Variants in SGCZ observed in about 807,000 individuals in gnomAD.
The protein encoded by SGCZ is sarcoglycan zeta, also known as zeta-sarcoglycan.
Under a neutral mutation model 41.3 loss-of-function variants are expected in SGCZ, and 40 were observed. The ratio of observed to expected loss-of-function variants is 0.97; its 90% CI spans 0.75 to 1.26. The LOEUF (loss-of-function observed/expected upper bound fraction) is 1.26. Among genes scored for constraint, SGCZ ranks in the 50% most tolerant of loss-of-function variants. SGCZ has a pLI of 0.00. For synonymous variants in SGCZ, 206 were observed against 137.5 expected (o/e 1.50, Z -3.49); for missense variants, 552 against 369.8 (o/e 1.49, Z -4.04).
chr8:15,027,710 T>A (rs1317203989), intron 1 of SGCZ, among the ~76,000 whole-genome samples: 1 of 152,070 alleles, frequency 6.6e-6, no homozygotes, highest in Non-Finnish European at 1.5e-5. Flanking sequence ...AACTACTTTG[T>A]CCTTTAACAA....
intron 2 of SGCZ, among the ~76,000 whole-genome samples, chr8:14,340,296 A>G (rs979620023): frequency 6.6e-6 from 1 of 152,148 alleles, no homozygotes; most frequent in Non-Finnish European, 1.5e-5. Flanking sequence ...AATATGACCA[A>G]AAATGCTTTT....
chr8:14,207,155 T>A (rs1563185485), intron 4 of SGCZ, among the ~76,000 whole-genome samples: 1 of 12,742 alleles, frequency 7.8e-5, no homozygotes, highest in Non-Finnish European at 1.1e-4. Flanking sequence ...GTGGCTATTC[T>A]TTTTTGCTTA....
intron 1 of SGCZ, among the ~76,000 whole-genome samples, chr8:14,948,761 T>C (rs1800536004): frequency 6.6e-6 from 1 of 152,172 alleles, no homozygotes; most frequent in African/African-American, 2.4e-5. Context: ...CTCTTTCCTA[T>C]TCTGACTTCC....
intron 1 of SGCZ, among the ~76,000 whole-genome samples, chr8:14,624,298 C>A (rs1295993022): frequency 6.6e-6 from 1 of 151,994 alleles, no homozygotes; most frequent in African/African-American, 2.4e-5. Context: ...GTTTATAATG[C>A]CAAGAAAGTG....
intron 1 of SGCZ, among the ~76,000 whole-genome samples, chr8:14,970,101 T>G (rs927598534): frequency 6.6e-6 from 1 of 152,146 alleles, no homozygotes; most frequent in African/African-American, 2.4e-5. Context: ...TGTAGTGATA[T>G]GTCATTGCAG....
chr8:14,658,770 G>A (rs1337844436), intron 1 of SGCZ, among the ~76,000 whole-genome samples: 1 of 152,020 alleles, frequency 6.6e-6, no homozygotes, highest in Non-Finnish European at 1.5e-5. Context: ...TCAGTAGAAT[G>A]CAGTTTCCAC....
intron 1 of SGCZ, among the ~76,000 whole-genome samples, chr8:14,587,155 G>C (rs528909700): frequency 6.6e-6 from 1 of 151,852 alleles, no homozygotes; most frequent in Admixed American, 6.6e-5. Context: ...TTTTATGTAT[G>C]TGTCATATAA....
intron 1 of SGCZ, among the ~76,000 whole-genome samples, chr8:15,055,957 C>T (rs1585517741): frequency 1.3e-5 from 2 of 152,268 alleles, no homozygotes; most frequent in Middle Eastern, 6.8e-3. Flanking sequence ...AACTTAATAG[C>T]AAACTTCAGT....
At chr8:14,613,941 G>A (rs1806013776) in intron 1 of SGCZ, among the ~76,000 whole-genome samples, 1 of 152,104 alleles carries the variant, frequency 6.6e-6, no homozygotes, top group African/African-American at 2.4e-5. Flanking sequence ...TGAAACAATT[G>A]AGTGATTTAT....
intron 2 of SGCZ, among the ~76,000 whole-genome samples, chr8:14,444,868 T>C (rs972078645): frequency 5.3e-5 from 8 of 152,122 alleles, no homozygotes; most frequent in Non-Finnish European, 8.8e-5. Flanking sequence ...AGTTTTGAAA[T>C]GACTGTTAAT....
At chr8:14,293,356 C>T (rs114753157) in intron 3 of SGCZ, among the ~76,000 whole-genome samples, 2,223 of 151,922 alleles carry the variant, frequency 0.015, 55 homozygotes, top group African/African-American at 0.05. Flanking sequence ...GAATAGAATT[C>T]CAGAGAAGAG....
At chr8:14,382,956 C>A (rs1299015315) in intron 2 of SGCZ, among the ~76,000 whole-genome samples, 1 of 152,142 alleles carries the variant, frequency 6.6e-6, no homozygotes, top group South Asian at 2.1e-4. Context: ...CACTTCTCTC[C>A]CGCAAAAAGC....
intron 5 of SGCZ, among the ~76,000 whole-genome samples, chr8:14,109,691 C>G (rs7820727): frequency 6.6e-6 from 1 of 152,182 alleles, no homozygotes; most frequent in Non-Finnish European, 1.5e-5. Context: ...TTCCTTAAAA[C>G]TAAATTGCTA....
At chr8:14,288,916 T>G (rs2116938623) in intron 3 of SGCZ, among the ~76,000 whole-genome samples, 1 of 152,322 alleles carries the variant, frequency 6.6e-6, no homozygotes, top group Middle Eastern at 3.4e-3. Flanking sequence ...GTGTTCCAAT[T>G]ACTCCACATT....
chr8:14,235,741 G>C (rs1463968780), intron 4 of SGCZ, among the ~76,000 whole-genome samples: 8 of 152,144 alleles, frequency 5.3e-5, no homozygotes, highest in Non-Finnish European at 1.0e-4. Context: ...CTGGAGTGCA[G>C]TGGCCCAATC....
At chr8:14,516,587 G>A (rs28513750) in intron 2 of SGCZ, among the ~76,000 whole-genome samples, 2,490 of 152,102 alleles carry the variant, frequency 0.016, 62 homozygotes, top group African/African-American at 0.057. Flanking sequence ...GACCACTGCA[G>A]CAATTTTAAG....
intron 3 of SGCZ, among the ~76,000 whole-genome samples, chr8:14,293,252 A>G (rs1200753462): frequency 6.6e-6 from 1 of 152,068 alleles, no homozygotes; most frequent in East Asian, 1.9e-4. Flanking sequence ...TGGATGTGAT[A>G]TATGTAAGAA....
At chr8:15,011,847 T>G (rs1190073170) in intron 1 of SGCZ, among the ~76,000 whole-genome samples, 1 of 152,330 alleles carries the variant, frequency 6.6e-6, no homozygotes, top group East Asian at 1.9e-4. Flanking sequence ...TGATGGTGGC[T>G]TTTAAAATCA....
At position 14,383,609 on chromosome 8, in the gene SGCZ, T is replaced by C. The variant is rs527852118; in HGVS notation, c.235-59405A>G. 2.0e-4 allele frequency among the ~76,000 whole-genome samples: 31 copies of C among 152,302 alleles called. 1 individual carries two copies. In the South Asian group the frequency reaches 6.4e-3, roughly 32 times the overall value. On this transcript the variant is annotated intron_variant, in intron 2 of 7. Coordinates refer to ENST00000382080, the MANE Select transcript of SGCZ (RefSeq NM_139167.4). Reference sequence around the variant, plus strand: ...TTAAGGTGCTCCCAGGAGGTAAAGATCACTTCACACTAACGCATTTCCACT... The same window carrying C: ...TTAAGGTGCTCCCAGGAGGTAAAGACCACTTCACACTAACGCATTTCCACT...
Sources: allele counts gnomAD v4.1 joint callset (sites outside exome capture counted in the v4.1 genomes callset), GRCh38; gene constraint gnomAD v4.1.1; transcripts MANE v1.5; gene names NCBI Gene and HGNC (gene_info 2026-07-23, HGNC 2026-07-21).